The following PIAS3 variants were observed in gnomAD, a reference collection of about 807,000 sequenced individuals.
The protein encoded by PIAS3 is protein inhibitor of activated STAT 3, also known as E3 SUMO-protein ligase PIAS3.
A neutral mutation model predicts 67.6 loss-of-function variants in PIAS3; 34 were observed. The observed-to-expected ratio is 0.50, with a 90% CI of 0.38 to 0.67. The LOEUF is 0.67. PIAS3 is among the 30% of genes least tolerant of loss of function. The probability of loss-of-function intolerance (pLI) is 0.00; values close to 1 mark genes in which losing one functional copy is unlikely to be tolerated. For missense variants in PIAS3, 693 were observed against 791.6 expected (o/e 0.88, Z 1.49); for synonymous variants, 341 against 313.8 (o/e 1.09, Z -0.92).
intron 9 of PIAS3, among the ~76,000 whole-genome samples, chr1:145,852,366 GCCCTGAAAAGAA>G (rs1276077715): frequency 1.3e-5 from 2 of 152,142 alleles, no homozygotes; most frequent in Non-Finnish European, 2.9e-5. Flanking sequence ...GAACATCCAG[GCCCTGAAAAGAA>G]CCTTATTGCA....
At chr1:145,850,396 A>T in intron 12 of PIAS3, 57 bp downstream of exon 12, 1 of 1,611,606 alleles carries the variant, frequency 6.2e-7, no homozygotes, top group Non-Finnish European at 8.5e-7. Context: ...AGGGGTTCTG[A>T]TGTAGCTCTG....
Position 145,853,512 on chromosome 1 carries a change from G to T in PIAS3, c.1137C>A (p.Ile379=). 18 of 1,609,416 alleles carry T rather than the reference G, an allele frequency of 1.1e-5. No homozygotes were observed. The highest frequency in any genetic ancestry group is 1.5e-5 in the Non-Finnish European group (18 of 1,177,460). Residue 379 remains isoleucine, a synonymous_variant, in exon 9 of 14, where the codon ATC becomes ATA. Coordinates refer to ENST00000393045, the MANE Select transcript of PIAS3 (RefSeq NM_006099.3). ...CDKKAPYESL[I]IDGLFMEILS... is the part of the protein sequence containing the mutation. ...AAGCAAAATGGCCCTACCCATCAAT[G>T]ATAAGAGATTCATAGGGAGCCTTCT...
intron 7 of PIAS3, chr1:145,854,191 G>A (rs1475220833): frequency 3.0e-5 from 18 of 594,376 alleles, no homozygotes; most frequent in East Asian, 8.3e-5. Flanking sequence ...TTTCCAGTCC[G>A]GAGAGCCCAT....
At position 145,856,700 on chromosome 1, in the gene PIAS3, G is replaced by A. The variant is rs782355612; in HGVS notation, c.331C>T (p.Arg111Cys). ...AGAGGGGGGTGCATGTCCACCTCAC[G>A]CTTGGGGCCCAGCAGGGTGCCAGGG... ...LAPGTLLGPK[R>C]EVDMHPPLPQ... The change falls in exon 2 of 14, where the codon CGT (arginine) becomes TGT (cysteine). Residue 111 changes from arginine to cysteine, a missense_variant. By Grantham distance (180) the Arg-to-Cys change is radical. Transcript: ENST00000393045. 27 of 1,612,396 alleles carry A rather than the reference G, an allele frequency of 1.7e-5. 1 individual carries two copies. Among genetic ancestry groups the A allele is most frequent in the South Asian group, 4.4e-5 (4 of 91,028 alleles).
intron 9 of PIAS3, among the ~76,000 whole-genome samples, chr1:145,851,930 A>G (rs1472338812): frequency 1.3e-5 from 2 of 151,184 alleles, no homozygotes; most frequent in Admixed American, 6.6e-5. Context: ...ATACCACTCC[A>G]GCCTGGGTGA....
At position 145,855,819 on chromosome 1, in the gene PIAS3, G is replaced by T; in HGVS notation, c.586C>A (p.Leu196Ile). The T allele has an allele frequency of 6.3e-7, 1 of 1,591,406 alleles. No homozygotes were observed. Among genetic ancestry groups the T allele is most frequent in the South Asian group, 1.1e-5 (1 of 90,648 alleles). The change falls in exon 5 of 14, where the codon CTC becomes ATC. Residue 196 changes from leucine to isoleucine, a missense_variant. By Grantham distance (5) the Leu-to-Ile change is conservative. Transcript: ENST00000393045. Reference sequence around the variant, plus strand: ...TCCTGGGGGCAGCTGGTCTCACAGAGACAGAACCTGGTAAGAGATGAGAAA... The same window carrying T: ...TCCTGGGGGCAGCTGGTCTCACAGATACAGAACCTGGTAAGAGATGAGAAA... ...YTIQVQLRFC[L>I]CETSCPQEDY... is the part of the protein sequence containing the mutation.
chr1:145,857,348 T>C, intron 1 of PIAS3: 2 of 339,426 alleles, frequency 5.9e-6, no homozygotes, highest in South Asian at 7.0e-5. Context: ...CCTCCATCCC[T>C]GGACTCTGCT....
At chr1:145,850,031 A>AG in intron 13 of PIAS3, 4 of 1,444,516 alleles carry the variant, frequency 2.8e-6, no homozygotes, top group East Asian at 4.9e-5. Flanking sequence ...GAAAAGTAAC[A>AG]GGGGATCTAG....
chr1:145,855,403 A>T (rs1653126359), intron 5 of PIAS3, among the ~76,000 whole-genome samples: 2 of 151,998 alleles, frequency 1.3e-5, no homozygotes, highest in Non-Finnish European at 2.9e-5. Context: ...AATTGCTTGA[A>T]CTAGGGAGGC....
chr1:145,856,918 A>G lies in PIAS3; in HGVS notation c.113T>C (p.Leu38Pro). 10 of 1,614,178 alleles carry G rather than the reference A, an allele frequency of 6.2e-6. No homozygotes were observed. Among genetic ancestry groups the G allele is most frequent in the Non-Finnish European group, 7.6e-6 (9 of 1,179,992 alleles). Residue 38 changes from leucine (L) to proline (P), a missense_variant, in exon 2 of 14, where the codon CTG becomes CCG. Physicochemically the swap from Leu to Pro is moderately conservative, Grantham distance 98. Transcript: ENST00000393045. ...RNKSGRKHELLAKALHLLKSS... is the reference protein window; with the variant it reads ...RNKSGRKHELPAKALHLLKSS... ...CTTCAGGAGGTGCAGAGCCTTGGCCAGGAGCTCGTGCTTCCGTCCACTCTT... is the reference window on the plus strand; with the variant it reads ...CTTCAGGAGGTGCAGAGCCTTGGCCGGGAGCTCGTGCTTCCGTCCACTCTT...
Position 145,854,841 on chromosome 1 carries a change from T to C in PIAS3, c.709A>G (p.Arg237Gly), listed in dbSNP as rs1570776853. ...GTGATGTTGATGGGGCGGCTGGGCCTCTTGGGCTCGGCCCCATTCTTGGTT... is the reference window on the plus strand; with the variant it reads ...GTGATGTTGATGGGGCGGCTGGGCCCCTTGGGCTCGGCCCCATTCTTGGTT... ...PPTKNGAEPK[R>G]PSRPINITPL... Residue 237 changes from arginine (R) to glycine (G), a missense_variant, in exon 6 of 14, where the codon AGG becomes GGG. Transcript: ENST00000393045. 6.2e-7 allele frequency: 1 copy of C among 1,614,176 alleles called. No individual in the cohort carries two copies. Among genetic ancestry groups the C allele is most frequent in the Non-Finnish European group, 8.5e-7 (1 of 1,180,004 alleles).
intron 1 of PIAS3, among the ~76,000 whole-genome samples, chr1:145,858,571 G>A (rs1323505476): frequency 6.6e-6 from 1 of 151,126 alleles, no homozygotes; most frequent in Admixed American, 6.6e-5. Context: ...CTGCCCCGCG[G>A]TCCCATCCCT....
intron 1 of PIAS3, chr1:145,857,280 G>A: frequency 2.0e-6 from 1 of 492,342 alleles, no homozygotes; most frequent in Non-Finnish European, 3.7e-6. Flanking sequence ...GAGTGGGGCA[G>A]GGAATGGCAG....
intron 5 of PIAS3, among the ~76,000 whole-genome samples, chr1:145,855,092 G>A (rs1570777204): frequency 1.3e-5 from 2 of 152,320 alleles, no homozygotes; most frequent in East Asian, 3.9e-4. Flanking sequence ...GGGGAGAAAG[G>A]AGAGCTTATT....
chr1:145,857,937 C>G (rs1371900904), intron 1 of PIAS3, among the ~76,000 whole-genome samples: 2 of 152,190 alleles, frequency 1.3e-5, no homozygotes, highest in African/African-American at 4.8e-5. Flanking sequence ...CACAGAATCG[C>G]AAATCCCCTG....
intron 4 of PIAS3, 90 bp downstream of exon 4, chr1:145,855,978 G>T: frequency 8.7e-7 from 1 of 1,152,704 alleles, no homozygotes; most frequent in Non-Finnish European, 1.3e-6. Flanking sequence ...CAGTGGCAGA[G>T]CAGGGACATC....
intron 5 of PIAS3, 25 bp downstream of exon 5, chr1:145,855,711 G>A: frequency 8.1e-7 from 1 of 1,232,612 alleles, no homozygotes; most frequent in African/African-American, 1.5e-5. Flanking sequence ...AGGGATTACT[G>A]ACAGAAGAAG....
At chr1:145,854,981 G>A (rs1653108728) in intron 5 of PIAS3, 101 bp from the exon 6 acceptor site, 1 of 1,426,246 alleles carries the variant, frequency 7.0e-7, no homozygotes, top group Admixed American at 1.8e-5. Flanking sequence ...ATCCCTGGAG[G>A]GAAGGCCAAC....
intron 1 of PIAS3, 83 bp downstream of exon 1, chr1:145,858,884 C>A (rs1653306362): frequency 1.5e-6 from 2 of 1,316,980 alleles, no homozygotes; most frequent in African/African-American, 3.1e-5. Flanking sequence ...CACCCGAGCC[C>A]CGGCACCCAG....
Sources: allele counts gnomAD v4.1 joint callset (sites outside exome capture counted in the v4.1 genomes callset), GRCh38; gene constraint gnomAD v4.1.1; transcripts MANE v1.5; gene names NCBI Gene and HGNC (gene_info 2026-07-23, HGNC 2026-07-21).